Variants in C5 observed in about 807,000 individuals in gnomAD.
The protein encoded by C5 is C3 and PZP-like alpha-2-macroglobulin domain-containing protein 4.
Under a neutral mutation model 218.8 loss-of-function variants are expected in C5, and 140 were observed. The ratio of observed to expected loss-of-function variants is 0.64; its 90% CI spans 0.56 to 0.74. The LOEUF is 0.74. C5 is among the 30% of genes least tolerant of loss of function. The pLI, the probability that C5 is intolerant of heterozygous loss-of-function variation, is 0.00. For synonymous variants in C5, 614 were observed against 682.3 expected (o/e 0.90, Z 1.56); for missense variants, 1,700 against 1,969.6 (o/e 0.86, Z 2.59).
upstream of C5, among the ~76,000 whole-genome samples, chr9:121,053,125 T>G (rs2047681057): frequency 6.6e-6 from 1 of 152,210 alleles, no homozygotes; most frequent in African/African-American, 2.4e-5. Flanking sequence ...ATGTGCCTGT[T>G]CCATGTCCAG....
At chr9:121,028,198 A>G (rs1378821021) in intron 7 of C5, among the ~76,000 whole-genome samples, 1 of 152,120 alleles carries the variant, frequency 6.6e-6, no homozygotes, top group Admixed American at 6.5e-5. Flanking sequence ...GAAACAACAG[A>G]TGCTGGAGAG....
In C5 at chr9:121,050,240, G is replaced by C. The variant is rs765922791; in HGVS notation, c.7C>G (p.Leu3Val). 6.2e-7 allele frequency: 1 copy of C among 1,613,602 alleles called. No homozygotes were observed. The highest frequency in any genetic ancestry group is 1.3e-5 in the African/African-American group (1 of 74,902). ...ATTAAAAAACAAAGTATTCCCAAAA[G>C]GCCCATGGTTGGAGGTAGCAGGAAA... MG[L>V]LGILCFLIFL... Residue 3 changes from leucine (L) to valine (V), a missense_variant, in exon 1 of 41, where the codon CTT (leucine) becomes GTT (valine). Transcript: ENST00000223642.
intron 9 of C5, 94 bp downstream of exon 9, chr9:121,025,360 G>A: frequency 7.9e-7 from 1 of 1,267,356 alleles, no homozygotes; most frequent in Non-Finnish European, 1.0e-6. Flanking sequence ...AATAATTATA[G>A]AAATTGGAAA....
chr9:121,057,376 CTAAA>C, the C5 span, among the ~76,000 whole-genome samples: 5 of 152,116 alleles, frequency 3.3e-5, no homozygotes, highest in East Asian at 9.7e-4. Context: ...AATAGAATGA[CTAAA>C]TGATAAACCT....
chr9:120,997,599 GA>G lies in C5; in HGVS notation c.2737del (p.Ser913HisfsTer11). On this transcript the variant is annotated frameshift_variant, in exon 21 of 41. Coordinates refer to ENST00000223642, the MANE Select transcript of C5 (RefSeq NM_001735.3). LOFTEE classifies it high-confidence loss of function. ...TTCTTTTCCAAACCAAGTCTCCAGT[GA>G]AAAATTGATGTTGTGAAGGCCAATT... The part of the protein sequence containing the change: ...LEIGLHNINF[S>X]LETWFGKEIL... 2.5e-6 allele frequency: 4 copies of G among 1,614,032 alleles called. No individual in the cohort carries two copies. The highest frequency in any genetic ancestry group is 3.4e-6 in the Non-Finnish European group (4 of 1,180,000).
At chr9:120,969,392 A>C (rs1310083051) in intron 32 of C5, among the ~76,000 whole-genome samples, 1 of 151,556 alleles carries the variant, frequency 6.6e-6, no homozygotes, top group Non-Finnish European at 1.5e-5. Context: ...TGTATTGGTA[A>C]TATGTTTGGG....
intron 26 of C5, 36 bp downstream of exon 26, chr9:120,982,619 A>G: frequency 6.7e-7 from 1 of 1,499,060 alleles, no homozygotes; most frequent in Non-Finnish European, 9.3e-7. Context: ...CAAACTAAAT[A>G]AAACTATTGC....
At chr9:121,006,869 C>T (rs779242888) in intron 19 of C5, 35 bp downstream of exon 19, 2 of 1,320,766 alleles carry the variant, frequency 1.5e-6, no homozygotes, top group Non-Finnish European at 2.2e-6. Context: ...AATCAAATCA[C>T]TATTTAAATG....
At chr9:120,986,160 T>G (rs2047031472) in intron 25 of C5, among the ~76,000 whole-genome samples, 1 of 152,170 alleles carries the variant, frequency 6.6e-6, no homozygotes, top group South Asian at 2.1e-4. Flanking sequence ...CCTTAGTCTC[T>G]TGAGTTTGGC....
At chr9:120,970,464 G>T (rs1284865832) in intron 31 of C5, among the ~76,000 whole-genome samples, 1 of 152,172 alleles carries the variant, frequency 6.6e-6, no homozygotes, top group African/African-American at 2.4e-5. Context: ...AGCAAAAAAT[G>T]ACTTCTGGCC....
intron 21 of C5, among the ~76,000 whole-genome samples, chr9:120,996,708 G>C (rs899171399): frequency 6.6e-6 from 1 of 152,196 alleles, no homozygotes; most frequent in African/African-American, 2.4e-5. Flanking sequence ...TCGCTCCAGA[G>C]ACTGCATGGA....
the C5 span, chr9:121,074,807 G>GGAAGCCTCGCGCCCA: frequency 2.2e-6 from 1 of 455,568 alleles, no homozygotes; most frequent in Non-Finnish European, 4.4e-6. Context: ...CCGCGCGGCC[G>GGAAGCCTCGCGCCCA]GAAGCCTCGC....
the C5 span, among the ~76,000 whole-genome samples, chr9:121,059,201 A>G: frequency 6.6e-6 from 1 of 152,246 alleles, no homozygotes; most frequent in Non-Finnish European, 1.5e-5. This position sits in a 1 kb window ranked among gnomAD's most constrained non-coding sequence, Gnocchi z 4.1. Context: ...CACATCCTAA[A>G]TAATAATGGA....
chr9:120,952,807 A>C lies in C5; in HGVS notation c.4963T>G (p.Ser1655Ala), dbSNP rs1015683149. ...IEYWPRDTTC[S>A]SCQAFLANLD... ...TTAGCTAAAAATGCTTGACACGATG[A>C]ACATGTTGTGTCTCTAGGCCAGTAT... The change falls in exon 41 of 41, where the codon TCA becomes GCA. Residue 1655 changes from serine to alanine, a missense_variant. Ser to Ala is a moderately conservative substitution (Grantham distance 99, BLOSUM62 1). Coordinates refer to ENST00000223642, the MANE Select transcript of C5 (RefSeq NM_001735.3). The C allele has an allele frequency of 3.7e-6, 6 of 1,612,788 alleles. No homozygotes were observed. The highest frequency in any genetic ancestry group is 4.2e-6 in the Non-Finnish European group (5 of 1,178,910).
intron 20 of C5, among the ~76,000 whole-genome samples, chr9:121,003,932 A>G (rs7866803): frequency 0.62 from 93,588 of 151,882 alleles, 29,063 homozygotes; most frequent in East Asian, 0.81. Context: ...GTAGTGGCGC[A>G]ATCTCGGCTC....
intron 26 of C5, 104 bp downstream of exon 26, chr9:120,982,551 G>C (rs2047002831): frequency 1.0e-6 from 1 of 960,994 alleles, no homozygotes; most frequent in Non-Finnish European, 1.6e-6. Context: ...ATTTCTTGCA[G>C]AATTACATTT....
At chr9:120,982,075 G>A (rs2046998422) in intron 26 of C5, 136 bp from the exon 27 acceptor site, 1 of 703,540 alleles carries the variant, frequency 1.4e-6, no homozygotes, top group African/African-American at 1.8e-5. Flanking sequence ...GCAATGGCTT[G>A]ATCTTGGCTC....
At chr9:121,009,390 CAGGG>C (rs2047242993) in intron 17 of C5, among the ~76,000 whole-genome samples, 1 of 152,086 alleles carries the variant, frequency 6.6e-6, no homozygotes, top group Non-Finnish European at 1.5e-5. Flanking sequence ...CAGACTAGGG[CAGGG>C]AGAGGAATAC....
intron 31 of C5, among the ~76,000 whole-genome samples, chr9:120,971,654 G>T (rs544614059): frequency 2.6e-5 from 4 of 152,318 alleles, no homozygotes; most frequent in East Asian, 1.9e-4. Flanking sequence ...AGCCAGGGTG[G>T]TCTTGATCTC....
Sources: allele counts gnomAD v4.1 joint callset (sites outside exome capture counted in the v4.1 genomes callset), GRCh38; gene constraint gnomAD v4.1.1; non-coding constraint Gnocchi (gnomAD v3.1); transcripts MANE v1.5; gene names NCBI Gene and HGNC (gene_info 2026-07-23, HGNC 2026-07-21).